Variants in TAF1A observed in about 807,000 individuals in gnomAD.
The protein encoded by TAF1A is TATA-box binding protein associated factor, RNA polymerase I subunit A.
TAF1A carries 42 observed loss-of-function variants against 61.6 expected under a neutral mutation model. The ratio of observed to expected loss-of-function variants is 0.68; its 90% confidence interval spans 0.53 to 0.88. The LOEUF (loss-of-function observed/expected upper bound fraction) is 0.88, where lower values mean the gene tolerates loss of function less well. Ranked by LOEUF, TAF1A falls within the 40% of genes least tolerant of loss-of-function variation. TAF1A has a pLI of 0.00. For synonymous variants in TAF1A, 179 were observed against 177.7 expected (o/e 1.01, Z -0.06); for missense variants, 424 against 518.7 (o/e 0.82, Z 1.77).
rs867900655 is a variant in TAF1A at position 222,579,642 on chromosome 1, C to T, written c.405+117G>A. ...TTTTCTTTCAGTTTCTCTTATTTAT[C>T]CAGAATGTCTTATCCTTGTCCCACA... On this transcript the variant is annotated intron_variant, in intron 4 of 10. Transcript: ENST00000352967. 9.0e-6 allele frequency: 11 copies of T among 1,224,148 alleles called. No homozygotes were observed. In the Middle Eastern group the frequency reaches 2.1e-3, roughly 230 times the overall value. The allele number at this position is 1,224,148 out of a possible 1,614,324, so 75.8% of individuals were successfully genotyped here. A position where few individuals can be genotyped will look rare whatever the true frequency, so the allele number is the denominator to read the frequency against.
chr1:222,575,399 T>A lies in TAF1A; in HGVS notation c.604+2046A>T, dbSNP rs1291503434. On this transcript the variant is annotated intron_variant, in intron 5 of 10. Transcript: ENST00000352967. ...GGTGCACACCTGTAGTCCCAAGTCC[T>A]TGGGAGGCTGAGGTGGGAGGATCAC... Among the ~76,000 whole-genome samples, 2 of 151,934 alleles carry A rather than the reference T, an allele frequency of 1.3e-5. 1 individual carries two copies. Among genetic ancestry groups the A allele is most frequent in the East Asian group, 3.9e-4 (2 of 5,180 alleles).
At chr1:222,564,168 A>C in intron 7 of TAF1A, 43 bp from the exon 8 acceptor site, 1 of 1,262,770 alleles carries the variant, frequency 7.9e-7, no homozygotes, top group African/African-American at 1.5e-5. Context: ...TACTTGTAAA[A>C]GCATTTCTCA....
At chr1:222,581,924 G>A (rs73122849) in intron 3 of TAF1A, among the ~76,000 whole-genome samples, 20,195 of 152,120 alleles carry the variant, frequency 0.13, 1,455 homozygotes, top group Middle Eastern at 0.2. Context: ...AATTGTTTCC[G>A]CTTTTTAAAT....
At chr1:222,589,471 C>A (rs1661163659) in intron 1 of TAF1A, among the ~76,000 whole-genome samples, 2 of 152,176 alleles carry the variant, frequency 1.3e-5, no homozygotes, top group South Asian at 2.1e-4. Context: ...TAAGTAACAA[C>A]TGAATTTGAA....
At chr1:222,579,130 T>C (rs1660687657) in intron 4 of TAF1A, among the ~76,000 whole-genome samples, 1 of 152,346 alleles carries the variant, frequency 6.6e-6, no homozygotes, top group South Asian at 2.1e-4. Flanking sequence ...CCCCATTTAA[T>C]TTCCACTCAC....
intron 4 of TAF1A, among the ~76,000 whole-genome samples, chr1:222,579,284 A>G (rs1660694218): frequency 6.6e-6 from 1 of 152,244 alleles, no homozygotes; most frequent in Admixed American, 6.5e-5. Flanking sequence ...AGGGAGATAC[A>G]ATATTTTGAA....
At position 222,589,914 on chromosome 1, in the gene TAF1A, C is replaced by A. The variant is rs1022095750; in HGVS notation, c.-190G>T. 6.0e-5 allele frequency: 24 copies of A among 397,136 alleles called. No homozygotes were observed. In the East Asian group the frequency reaches 8.2e-4, roughly 14 times the overall value. 24.6% of individuals were successfully genotyped at this position (397,136 alleles called of 1,614,324 possible). On this transcript the variant is annotated 5_prime_UTR_variant, in exon 1 of 11. It adds an upstream start codon to the 5' untranslated region. Transcript: ENST00000352967. ...CTGCTGCAGCAGGCGTATCGTTGGCCTCGCCTCGACCCCGGAAGTGACTTC... is the reference window on the plus strand; with the variant it reads ...CTGCTGCAGCAGGCGTATCGTTGGCATCGCCTCGACCCCGGAAGTGACTTC...
intron 7 of TAF1A, among the ~76,000 whole-genome samples, chr1:222,566,452 A>G (rs1479310939): frequency 2.6e-5 from 4 of 152,214 alleles, no homozygotes; most frequent in Non-Finnish European, 4.4e-5. Context: ...ATAATATATA[A>G]TGAAATAATT....
At chr1:222,578,453 G>C (rs1289663829) in intron 4 of TAF1A, among the ~76,000 whole-genome samples, 1 of 152,156 alleles carries the variant, frequency 6.6e-6, no homozygotes, top group Non-Finnish European at 1.5e-5. Context: ...AGTTCCCTGG[G>C]TATGGCACAC....
intron 5 of TAF1A, 120 bp from the exon 6 acceptor site, chr1:222,570,785 C>T: frequency 1.1e-6 from 1 of 894,836 alleles, no homozygotes. Flanking sequence ...ACAGTAAATT[C>T]CAACAAATAT....
intron 7 of TAF1A, among the ~76,000 whole-genome samples, chr1:222,568,354 G>T (rs1356583521): frequency 2.0e-5 from 3 of 152,080 alleles, no homozygotes; most frequent in African/African-American, 7.2e-5. Context: ...CAGTCAGAGA[G>T]AAAATATTCA....
intron 1 of TAF1A, 37 bp from the exon 2 acceptor site, chr1:222,588,602 T>C (rs773701171): frequency 1.2e-6 from 2 of 1,601,606 alleles, no homozygotes; most frequent in Non-Finnish European, 8.5e-7. Flanking sequence ...TTTCTGTACA[T>C]CTTAATCCAC....
intron 4 of TAF1A, among the ~76,000 whole-genome samples, chr1:222,579,044 C>A (rs1660684561): frequency 6.6e-6 from 1 of 152,184 alleles, no homozygotes; most frequent in South Asian, 2.1e-4. Flanking sequence ...AGACGCAGAG[C>A]ACACATCAGG....
chr1:222,580,198 C>T (rs1207998332), intron 3 of TAF1A, among the ~76,000 whole-genome samples: 1 of 152,042 alleles, frequency 6.6e-6, no homozygotes, highest in African/African-American at 2.4e-5. Flanking sequence ...ATATTAAAGT[C>T]AGAAAATTTG....
Position 222,584,222 on chromosome 1 carries a change from A to C in TAF1A, c.197T>G (p.Leu66Arg), listed in dbSNP as rs776069221. ...ACLSFIQEAL[L>R]KHQWQQAAEY... Reference sequence around the variant, plus strand: ...TGCAGCTTGCTGCCATTGGTGCTTCAGCAGAGCTTCTTGGATAAAACTTAA... The same window carrying C: ...TGCAGCTTGCTGCCATTGGTGCTTCCGCAGAGCTTCTTGGATAAAACTTAA... Residue 66 changes from leucine to arginine, a missense_variant, in exon 3 of 11, where the codon CTG becomes CGG. Transcript: ENST00000352967. 6.2e-7 allele frequency: 1 copy of C among 1,612,918 alleles called. No homozygotes were observed.
chr1:222,561,006 C>T (rs72738210), intron 10 of TAF1A, among the ~76,000 whole-genome samples: 5,170 of 152,156 alleles, frequency 0.034, 148 homozygotes, highest in Non-Finnish European at 0.049. Flanking sequence ...TAATATGAAG[C>T]TATTAAAGAA....
intron 10 of TAF1A, 29 bp from the exon 11 acceptor site, chr1:222,558,801 T>A (rs774096015): frequency 3.5e-6 from 4 of 1,151,838 alleles, no homozygotes. Flanking sequence ...TAAAAAGTTT[T>A]AATACTCATC....
At chr1:222,578,697 G>A (rs1037529211) in intron 4 of TAF1A, among the ~76,000 whole-genome samples, 3 of 152,078 alleles carry the variant, frequency 2.0e-5, no homozygotes, top group Non-Finnish European at 4.4e-5. Context: ...CAGAGAACTG[G>A]CCATTTTCTC....
intron 4 of TAF1A, 29 bp from the exon 5 acceptor site, chr1:222,577,672 T>C: frequency 6.3e-7 from 1 of 1,595,746 alleles, no homozygotes. Flanking sequence ...TACACCGCCA[T>C]TTAAGCCATT....
Sources: allele counts gnomAD v4.1 joint callset (sites outside exome capture counted in the v4.1 genomes callset), GRCh38; gene constraint gnomAD v4.1.1; transcripts MANE v1.5; gene names NCBI Gene and HGNC (gene_info 2026-07-23, HGNC 2026-07-21).